Variants in NUTM2E observed in about 807,000 individuals in gnomAD.
The protein encoded by NUTM2E is family with sequence similarity 22, member E.
Under a neutral mutation model 26.1 loss-of-function variants are expected in NUTM2E, and 3 were observed. That is an observed-to-expected ratio of 0.12 (90% CI 0.05 to 0.30). The LOEUF (loss-of-function observed/expected upper bound fraction) is 0.30. Ranked by LOEUF, NUTM2E falls within the 10% of genes least tolerant of loss-of-function variation. NUTM2E has a pLI of 1.00. For missense variants in NUTM2E, 62 were observed against 381.3 expected (o/e 0.16, Z 6.97); for synonymous variants, 13 against 157.5 (o/e 0.08, Z 6.87).
Position 79,832,964 on chromosome 10 carries a change from G to A in NUTM2E, c.-2727-5345G>A, listed in dbSNP as rs372724246. ...ACACTTACTAATTGAATAAAATACA[G>A]TAAGTGTTTGTATATGTATCTGCAT... On this transcript the variant is annotated intron_variant, in intron 1 of 9. Coordinates refer to ENST00000429984, the MANE Select transcript of NUTM2E (RefSeq NM_001355263.2). 3.2e-4 allele frequency among the ~76,000 whole-genome samples: 49 copies of A among 151,714 alleles called. 4 individuals are homozygous for A. The South Asian group carries it at 7.5e-3, about 23-fold the overall frequency.
At chr10:79,830,875 C>T (rs2475679) in intron 1 of NUTM2E, among the ~76,000 whole-genome samples, 1 of 151,668 alleles carries the variant, frequency 6.6e-6, no homozygotes, top group Admixed American at 6.6e-5. Flanking sequence ...TTCCATAGTG[C>T]CCCCAGTAGA....
chr10:79,833,258 T>C (rs915923944), intron 1 of NUTM2E, among the ~76,000 whole-genome samples: 5 of 151,790 alleles, frequency 3.3e-5, no homozygotes, highest in Admixed American at 6.6e-5. Context: ...GAGTTGGATG[T>C]TACTCCATGA....
chr10:79,837,455 T>TTTGA (rs1376738675), intron 1 of NUTM2E, among the ~76,000 whole-genome samples: 4 of 152,134 alleles, frequency 2.6e-5, no homozygotes, highest in Admixed American at 6.5e-5. Flanking sequence ...GGAAATTAGT[T>TTTGA]TTGATTTGAT....
At chr10:79,829,284 A>G (rs549193358) in intron 1 of NUTM2E, among the ~76,000 whole-genome samples, 4 of 151,552 alleles carry the variant, frequency 2.6e-5, no homozygotes. Flanking sequence ...AAAAATAACA[A>G]TGAGAGCAAA....
At chr10:79,831,181 C>T (rs1841925166) in intron 1 of NUTM2E, among the ~76,000 whole-genome samples, 3 of 151,772 alleles carry the variant, frequency 2.0e-5, no homozygotes, top group Admixed American at 1.3e-4. Flanking sequence ...GTGAATTCTC[C>T]AAACCCAGAG....
Position 79,839,487 on chromosome 10 carries a change from C to T in NUTM2E, c.-2113-141C>T, listed in dbSNP as rs1469716793. Among the ~76,000 whole-genome samples the T allele has an allele frequency of 1.3e-4, 19 of 151,724 alleles. 1 individual carries two copies. The highest frequency in any genetic ancestry group is 4.1e-4 in the African/African-American group (17 of 41,408). ...AGCAGATACTAAGGGAACAATTCCA[C>T]GCTCCCCACCCCTGACTCTGCAACA... is the stretch of plus-strand genomic sequence containing the variant. On this transcript the variant is annotated intron_variant, in intron 3 of 9. Transcript: ENST00000429984.
chr10:79,848,387 C>T, intron 7 of NUTM2E, 126 bp from the exon 8 acceptor site: 2 of 244,038 alleles, frequency 8.2e-6, no homozygotes, highest in Middle Eastern at 2.1e-3. Context: ...TCCGGGGGCG[C>T]TGCGGTTCAG....
chr10:79,838,142 C>G (rs1389275488), intron 1 of NUTM2E, among the ~76,000 whole-genome samples, 167 bp from the exon 2 acceptor site: 1 of 150,902 alleles, frequency 6.6e-6, no homozygotes, highest in Admixed American at 6.6e-5. Flanking sequence ...GCCATAAAAC[C>G]TATGGCTTTA....
intron 1 of NUTM2E, among the ~76,000 whole-genome samples, chr10:79,834,841 C>A (rs1841951523): frequency 6.7e-6 from 1 of 148,970 alleles, no homozygotes. Flanking sequence ...CACACACACA[C>A]ACAAACACAC....
intron 1 of NUTM2E, among the ~76,000 whole-genome samples, chr10:79,837,355 T>C (rs1841970044): frequency 6.6e-6 from 1 of 152,074 alleles, no homozygotes; most frequent in African/African-American, 2.4e-5. Flanking sequence ...GTTTGTGATA[T>C]AAAGCTGTCT....
At position 79,827,359 on chromosome 10, in the gene NUTM2E, T is replaced by G. The variant is rs1224487897; in HGVS notation, c.-2728+2T>G. ...AACTTTTTTGAAAGAAATTTGGGGG[T>G]AAATTTAATTTTAAATACTGATTTT... On this transcript the variant is annotated splice_donor_variant, in intron 1 of 9. Transcript: ENST00000429984. LOFTEE classifies it low-confidence loss of function (5UTR_SPLICE). The G allele has an allele frequency of 6.6e-6, 1 of 152,586 alleles. No individual in the cohort carries two copies. Among genetic ancestry groups the G allele is most frequent in the Non-Finnish European group, 1.5e-5 (1 of 67,972 alleles). The allele number at this position is 152,586 out of a possible 1,614,324, so 9.5% of individuals were successfully genotyped here.
intron 4 of NUTM2E, among the ~76,000 whole-genome samples, chr10:79,843,882 G>A (rs1238047043): frequency 1.4e-5 from 2 of 145,072 alleles, no homozygotes; most frequent in African/African-American, 5.3e-5. Flanking sequence ...AGATGCCTGT[G>A]AGGCTGACAG....
In NUTM2E at chr10:79,833,970, A is replaced by T. The variant is rs367850891; in HGVS notation, c.-2727-4339A>T. Among the ~76,000 whole-genome samples, 28 of 152,064 alleles carry T rather than the reference A, an allele frequency of 1.8e-4. 1 individual carries two copies. In the East Asian group the frequency reaches 5.0e-3, roughly 27 times the overall value. ...AGACTTTGAACCAACCCAAATGCCC[A>T]TTAATGATAGACTGGATAAAGAAAA... On this transcript the variant is annotated intron_variant, in intron 1 of 9. Transcript: ENST00000429984.
In NUTM2E at chr10:79,826,932, T is replaced by G. The variant is rs1458232817; in HGVS notation, c.-3153T>G. On this transcript the variant is annotated 5_prime_UTR_variant, in exon 1 of 10. Coordinates refer to ENST00000429984, the MANE Select transcript of NUTM2E (RefSeq NM_001355263.2). ...CGGGTCGGGGTGTCGGCCGGGTTGC[T>G]GCCGGGCACCGTCGAGCGTTAGCCA... 1 of 150,262 alleles carries G rather than the reference T, an allele frequency of 6.7e-6. No homozygotes were observed. Among genetic ancestry groups the G allele is most frequent in the Non-Finnish European group, 1.5e-5 (1 of 67,426 alleles). 9.3% of individuals were successfully genotyped at this position (150,262 alleles called of 1,614,324 possible). A position where few individuals can be genotyped will look rare whatever the true frequency, so the allele number is the denominator to read the frequency against.
intron 1 of NUTM2E, among the ~76,000 whole-genome samples, chr10:79,834,020 G>A (rs1841944897): frequency 6.6e-6 from 1 of 151,844 alleles, no homozygotes; most frequent in Non-Finnish European, 1.5e-5. Context: ...ACTGTGGAAT[G>A]CTATGCAGCC....
At chr10:79,847,256 TG>T (rs1842027018) in intron 6 of NUTM2E, among the ~76,000 whole-genome samples, 1 of 116,022 alleles carries the variant, frequency 8.6e-6, no homozygotes, top group South Asian at 2.5e-4. Context: ...CCTCCAGCTG[TG>T]GGGATGGGGA....
In NUTM2E at chr10:79,839,908, A is replaced by G; in HGVS notation, c.-1833A>G. The stretch of plus-strand genomic sequence containing the variant: ...CTCCCATGGCCAGTCTTCACAAATT[A>G]CCTTTGGCTAATTTGACTGTCTCTC... On this transcript the variant is annotated 5_prime_UTR_variant, in exon 4 of 10. Coordinates refer to ENST00000429984, the MANE Select transcript of NUTM2E (RefSeq NM_001355263.2). Among the ~76,000 whole-genome samples the G allele has an allele frequency of 6.7e-6, 1 of 149,148 alleles. No individual in the cohort carries two copies. The highest frequency in any genetic ancestry group is 1.5e-5 in the Non-Finnish European group (1 of 67,422).
chr10:79,826,866 C>T lies in NUTM2E; in HGVS notation c.-3219C>T, dbSNP rs2758487. On this transcript the variant is annotated 5_prime_UTR_variant, in exon 1 of 10. Transcript: ENST00000429984. Reference sequence around the variant, plus strand: ...CAGAGCCCGTCGGGAGTCGTAGTCCCGGACGGGCCCGCGGCATCGTCCGCG... The same window carrying T: ...CAGAGCCCGTCGGGAGTCGTAGTCCTGGACGGGCCCGCGGCATCGTCCGCG... 20 of 150,996 alleles carry T rather than the reference C, an allele frequency of 1.3e-4. No individual in the cohort carries two copies. Among genetic ancestry groups the T allele is most frequent in the African/African-American group, 4.4e-4 (18 of 41,148 alleles). 9.4% of individuals were successfully genotyped at this position (150,996 alleles called of 1,614,324 possible). A position where few individuals can be genotyped will look rare whatever the true frequency, so the allele number is the denominator to read the frequency against.
intron 8 of NUTM2E, among the ~76,000 whole-genome samples, chr10:79,849,151 G>A (rs530277818): frequency 1.3e-5 from 1 of 79,970 alleles, no homozygotes; most frequent in Admixed American, 1.2e-4. Context: ...TCATATGTGG[G>A]TCTGTTTGTG....
Sources: allele counts gnomAD v4.1 joint callset (sites outside exome capture counted in the v4.1 genomes callset), GRCh38; gene constraint gnomAD v4.1.1; transcripts MANE v1.5; gene names NCBI Gene and HGNC (gene_info 2026-07-23, HGNC 2026-07-21).